The following NFE2 variants were observed in gnomAD, a reference collection of about 807,000 sequenced individuals.
NFE2 encodes transcription factor NF-E2 45 kDa subunit.
Under a neutral mutation model 25.8 loss-of-function variants are expected in NFE2, and 13 were observed. That is an observed-to-expected ratio of 0.50 (90% confidence interval 0.33 to 0.80). NFE2 has a LOEUF of 0.80. NFE2 is among the 30% of genes least tolerant of loss of function. The pLI is 0.02. For missense variants in NFE2, 382 were observed against 478.9 expected, an observed-to-expected ratio of 0.80 and a Z score of 1.89; for synonymous variants, 204 against 200.2, an observed-to-expected ratio of 1.02 and a Z score of -0.16.
Position 54,292,684 on chromosome 12 carries a change from CG to C in NFE2, c.811del (p.Arg271AspfsTer31). 6.2e-7 allele frequency: 1 copy of C among 1,614,196 alleles called. No individual in the cohort carries two copies. The highest frequency in any genetic ancestry group is 8.5e-7 in the Non-Finnish European group (1 of 1,180,056). ...ESQLALVRDI[R>X]RRGKNKVAAQ... ...TGCCACCTTGTTTTTGCCCCGTCGT[CG>C]GATGTCCCGGACTAGCGCTAGCTGG... On this transcript the variant is annotated frameshift_variant, in exon 3 of 3. Coordinates refer to ENST00000435572, the MANE Select transcript of NFE2 (RefSeq NM_001136023.3). LOFTEE classifies it high-confidence loss of function.
At chr12:54,294,091 CCT>C (rs931588265) in intron 2 of NFE2, among the ~76,000 whole-genome samples, 1 of 151,828 alleles carries the variant, frequency 6.6e-6, no homozygotes, top group Non-Finnish European at 1.5e-5. Context: ...GGTGAAACCC[CCT>C]GTCTACTAAA....
chr12:54,297,174 G>A (rs759990698), intron 1 of NFE2, among the ~76,000 whole-genome samples: 1 of 151,848 alleles, frequency 6.6e-6, no homozygotes, highest in Admixed American at 6.6e-5. Context: ...GAGAAACACG[G>A]TGAAAACCCA....
At chr12:54,295,366 C>A in intron 1 of NFE2, 62 bp from the exon 2 acceptor site, 1 of 741,774 alleles carries the variant, frequency 1.3e-6, no homozygotes, top group Admixed American at 2.3e-5. Context: ...TTTGCACTAC[C>A]TCCTTGGAGG....
rs1944418636 is a variant in NFE2 at position 54,300,886 on chromosome 12, G to C, written c.-142C>G. 1 of 152,678 alleles carries C rather than the reference G, an allele frequency of 6.5e-6. No individual in the cohort carries two copies. Among genetic ancestry groups the C allele is most frequent in the Admixed American group, 6.5e-5 (1 of 15,288 alleles). The allele number at this position is 152,678 out of a possible 1,614,324, so 9.5% of individuals were successfully genotyped here. The stretch of plus-strand genomic sequence containing the variant: ...AGGCTGAGCCTGAGCTGACACTGCT[G>C]GACGAGGATCCCGGCTACCTTTGAG... On this transcript the variant is annotated 5_prime_UTR_variant, in exon 1 of 3. Coordinates refer to ENST00000435572, the MANE Select transcript of NFE2 (RefSeq NM_001136023.3).
Position 54,293,341 on chromosome 12 carries a change from G to A in NFE2, c.155C>T (p.Ala52Val), listed in dbSNP as rs746688020. Residue 52 changes from alanine (A) to valine (V), a missense_variant, in exon 3 of 3, where the codon GCC becomes GTC. Transcript: ENST00000435572. ...APSEPSFEPQ[A>V]PAPYLGPPPP... Reference sequence around the variant, plus strand: ...TGGAGGTCCAAGGTATGGAGCTGGGGCTTGGGGCTCAAATGATGGCTCACT... The same window carrying A: ...TGGAGGTCCAAGGTATGGAGCTGGGACTTGGGGCTCAAATGATGGCTCACT... 1.3e-6 allele frequency: 2 copies of A among 1,560,876 alleles called. No individual in the cohort carries two copies. The highest frequency in any genetic ancestry group is 1.2e-5 in the South Asian group (1 of 83,684).
chr12:54,292,203 C>T lies in NFE2; in HGVS notation c.*171G>A, dbSNP rs1944322810. Reference sequence around the variant, plus strand: ...CAGGGAAGACAGATTCCAGCCCTCCCTCAAGGCAAGCCTCTTTGAACACAC... The same window carrying T: ...CAGGGAAGACAGATTCCAGCCCTCCTTCAAGGCAAGCCTCTTTGAACACAC... On this transcript the variant is annotated 3_prime_UTR_variant, in exon 3 of 3. Coordinates refer to ENST00000435572, the MANE Select transcript of NFE2 (RefSeq NM_001136023.3). 4.4e-6 allele frequency: 3 copies of T among 682,100 alleles called. No homozygotes were observed. The highest frequency in any genetic ancestry group is 5.9e-5 in the Admixed American group (2 of 33,892). 42.3% of individuals were successfully genotyped at this position (682,100 alleles called of 1,614,324 possible).
At chr12:54,295,401 G>C (rs777177101) in intron 1 of NFE2, 97 bp from the exon 2 acceptor site, 5 of 600,584 alleles carry the variant, frequency 8.3e-6, no homozygotes, top group Non-Finnish European at 1.5e-5. Context: ...TCCCCTGAGG[G>C]AAGGAGAGAC....
intron 1 of NFE2, among the ~76,000 whole-genome samples, chr12:54,299,891 T>G (rs1055478408): frequency 2.0e-5 from 3 of 151,766 alleles, no homozygotes; most frequent in African/African-American, 2.4e-5. Flanking sequence ...AGCAACCTAT[T>G]TAGAAAGATT....
chr12:54,295,241 G>A lies in NFE2; in HGVS notation c.8C>T (p.Pro3Leu), dbSNP rs1565886818. ...GTTCCTGCTCTGCTGGGGAGGACAC[G>A]GGGACATCCTACTGGGCCAGAGTCT... MS[P>L]CPPQQSRNRV... is the part of the protein sequence containing the mutation. Residue 3 changes from proline to leucine, a missense_variant, in exon 2 of 3, where the codon CCG becomes CTG. Physicochemically the swap from Pro to Leu is moderately conservative, Grantham distance 98 (BLOSUM62 -3). Coordinates refer to ENST00000435572, the MANE Select transcript of NFE2 (RefSeq NM_001136023.3). The A allele has an allele frequency of 2.5e-6, 4 of 1,613,780 alleles. No homozygotes were observed. Among genetic ancestry groups the A allele is most frequent in the African/African-American group, 1.3e-5 (1 of 74,904 alleles).
At chr12:54,298,234 A>T (rs949547033) in intron 1 of NFE2, among the ~76,000 whole-genome samples, 1 of 152,060 alleles carries the variant, frequency 6.6e-6, no homozygotes, top group African/African-American at 2.4e-5. Context: ...CTTGCTACGC[A>T]CGGTGGCTCA....
chr12:54,292,410 A>G lies in NFE2; in HGVS notation c.1086T>C (p.Leu362=). 2 of 1,614,122 alleles carry G rather than the reference A, an allele frequency of 1.2e-6. No individual in the cohort carries two copies. Among genetic ancestry groups the G allele is most frequent in the South Asian group, 2.2e-5 (2 of 91,090 alleles). Residue 362 remains leucine (L), a synonymous_variant, in exon 3 of 3, where the codon CTT becomes CTC. Coordinates refer to ENST00000435572, the MANE Select transcript of NFE2 (RefSeq NM_001136023.3). ...CCTCCATCTTGGTCCCCCGGGGCAC[A>G]AGGAAGATGGTCCCATCGGCAGCCT... The part of the protein sequence containing the change: ...LQQAADGTIF[L]VPRGTKMEAT...
Position 54,292,754 on chromosome 12 carries a change from C to A in NFE2, c.742G>T (p.Asp248Tyr), listed in dbSNP as rs767181165. Residue 248 changes from aspartate to tyrosine, a missense_variant, in exon 3 of 3, where the codon GAT becomes TAT. By Grantham distance (160) the Asp-to-Tyr change is radical. Coordinates refer to ENST00000435572, the MANE Select transcript of NFE2 (RefSeq NM_001136023.3). ...CTTGCCAATAGCTCATTAAAGTCATCTACCGGCAAGTTGACAATCTTGTCC... is the reference window on the plus strand; with the variant it reads ...CTTGCCAATAGCTCATTAAAGTCATATACCGGCAAGTTGACAATCTTGTCC... ...PTDKIVNLPV[D>Y]DFNELLARYP... 5.0e-6 allele frequency: 8 copies of A among 1,614,236 alleles called. No homozygotes were observed. Among genetic ancestry groups the A allele is most frequent in the Non-Finnish European group, 6.8e-6 (8 of 1,180,044 alleles).
chr12:54,297,551 G>C (rs1944384228), intron 1 of NFE2, among the ~76,000 whole-genome samples: 1 of 150,258 alleles, frequency 6.7e-6, no homozygotes, highest in South Asian at 2.1e-4. Context: ...TGTAATCCCA[G>C]CTACTCAGGA....
At chr12:54,297,379 AAC>A (rs1944382519) in intron 1 of NFE2, among the ~76,000 whole-genome samples, 3 of 134,710 alleles carry the variant, frequency 2.2e-5, no homozygotes, top group Admixed American at 7.4e-5. Context: ...AAAAAAAAAA[AAC>A]GGCCAGGTGC....
intron 1 of NFE2, among the ~76,000 whole-genome samples, chr12:54,298,256 C>T (rs1231524694): frequency 6.6e-6 from 1 of 151,994 alleles, no homozygotes; most frequent in Non-Finnish European, 1.5e-5. Context: ...GCCTGTAATC[C>T]CAGCACTTTG....
At position 54,292,194 on chromosome 12, in the gene NFE2, C is replaced by CA. The variant is rs1454388582; in HGVS notation, c.*179dup. 2 of 640,126 alleles carry CA rather than the reference C, an allele frequency of 3.1e-6. No homozygotes were observed. Among genetic ancestry groups the CA allele is most frequent in the Admixed American group, 3.0e-5 (1 of 33,704 alleles). 39.7% of individuals were successfully genotyped at this position (640,126 alleles called of 1,614,324 possible). A position where few individuals can be genotyped will look rare whatever the true frequency, so the allele number is the denominator to read the frequency against. ...GAGCCGAGTCAGGGAAGACAGATTC[C>CA]AGCCCTCCCTCAAGGCAAGCCTCTT... On this transcript the variant is annotated 3_prime_UTR_variant, in exon 3 of 3. Transcript: ENST00000435572.
chr12:54,297,809 C>T (rs1439557756), intron 1 of NFE2: 2 of 151,934 alleles, frequency 1.3e-5, no homozygotes, highest in South Asian at 2.1e-4. Context: ...ATCTTCTCTT[C>T]GACTTACCAC....
intron 1 of NFE2, chr12:54,300,067 T>G (rs1172122297): frequency 6.6e-6 from 1 of 152,218 alleles, no homozygotes; most frequent in Admixed American, 6.5e-5. Context: ...TCTGCTATTG[T>G]GTCACTTCAT....
intron 2 of NFE2, among the ~76,000 whole-genome samples, chr12:54,294,442 G>T (rs1464099274): frequency 2.0e-5 from 3 of 152,106 alleles, no homozygotes; most frequent in Admixed American, 1.3e-4. Context: ...TCCTGAGGGT[G>T]CTAAGCATGG....
Sources: gnomAD v4.1 joint callset for allele counts (sites outside exome capture counted in the v4.1 genomes callset) on GRCh38, gnomAD v4.1.1 for gene constraint, MANE v1.5 for transcripts, NCBI Gene and HGNC (gene_info 2026-07-23, HGNC 2026-07-21) for gene names.